Variants in CYP3A5 observed in about 807,000 individuals in gnomAD.
CYP3A5 encodes cytochrome P450 family 3 subfamily A member 5.
CYP3A5 carries 51 observed loss-of-function variants against 55.9 expected under a neutral mutation model. The observed-to-expected ratio is 0.91, with a 90% confidence interval of 0.73 to 1.15. The LOEUF is 1.15. Among genes scored for constraint, CYP3A5 ranks in the 50% most tolerant of loss-of-function variants. The probability of loss-of-function intolerance (pLI) is 0.00; values close to 1 mark genes in which losing one functional copy is unlikely to be tolerated. For synonymous variants in CYP3A5, 196 were observed against 213.9 expected, an observed-to-expected ratio of 0.92 and a Z score of 0.73; for missense variants, 533 against 596.6, an observed-to-expected ratio of 0.89 and a Z score of 1.11.
In CYP3A5 at chr7:99,662,065, G is replaced by C. The variant is rs983946838; in HGVS notation, c.865+751C>G. ...ATAGATGATTAATTGATAAATTATA[G>C]GCAGATAGATGATTGACAGATAGAT... is the stretch of plus-strand genomic sequence containing the variant. On this transcript the variant is annotated intron_variant, in intron 9 of 12. Coordinates refer to ENST00000222982, the MANE Select transcript of CYP3A5 (RefSeq NM_000777.5). The surrounding 1 kb of genome is among the most constrained non-coding windows in gnomAD (Gnocchi z 4.3). 6.6e-6 allele frequency among the ~76,000 whole-genome samples: 1 copy of C among 152,174 alleles called. No homozygotes were observed. The highest frequency in any genetic ancestry group is 2.4e-5 in the African/African-American group (1 of 41,424).
intron 10 of CYP3A5, among the ~76,000 whole-genome samples, chr7:99,654,688 A>C (rs1263330633): frequency 6.6e-6 from 1 of 152,270 alleles, no homozygotes; most frequent in East Asian, 1.9e-4. Context: ...ACTAGTTTAC[A>C]GTCCCACCAA....
intron 10 of CYP3A5, among the ~76,000 whole-genome samples, chr7:99,656,059 A>G (rs1191516906): frequency 6.6e-6 from 1 of 152,174 alleles, no homozygotes; most frequent in Non-Finnish European, 1.5e-5. Context: ...TTCCTAATTG[A>G]ATACCCTTTA....
At chr7:99,659,686 A>G (rs1239824511) in intron 10 of CYP3A5, 1 of 152,526 alleles carries the variant, frequency 6.6e-6, no homozygotes, top group Non-Finnish European at 1.5e-5. Flanking sequence ...GAGTCTACAG[A>G]GGCAGGCAGA....
At position 99,662,923 on chromosome 7, in the gene CYP3A5, C is replaced by T. The variant is rs749311811; in HGVS notation, c.799-41G>A. 6 of 1,610,812 alleles carry T rather than the reference C, an allele frequency of 3.7e-6. No homozygotes were observed. The African/African-American group carries it at 4.0e-5, about 11-fold the overall frequency. Reference sequence around the variant, plus strand: ...GAGATTTCTTTGGCAGAAAGTGACTCGTGAAGTCAGAAGTAAATCAAAAGT... The same window carrying T: ...GAGATTTCTTTGGCAGAAAGTGACTTGTGAAGTCAGAAGTAAATCAAAAGT... On this transcript the variant is annotated intron_variant, in intron 8 of 12. Transcript: ENST00000222982. The surrounding 1 kb of genome is among the most constrained non-coding windows in gnomAD (Gnocchi z 4.3).
chr7:99,663,056 G>T, intron 8 of CYP3A5, 174 bp from the exon 9 acceptor site: 1 of 1,341,246 alleles, frequency 7.5e-7, no homozygotes, highest in Non-Finnish European at 9.6e-7. Flanking sequence ...CTAAATCCTT[G>T]GAAAGCAGGA....
At chr7:99,666,024 G>A (rs1810983022) in intron 6 of CYP3A5, among the ~76,000 whole-genome samples, 1 of 152,190 alleles carries the variant, frequency 6.6e-6, no homozygotes, top group South Asian at 2.1e-4. Context: ...TACACCTGTC[G>A]TTCCTGCATA....
In CYP3A5 at chr7:99,665,516, T is replaced by G. The variant is rs148149634; in HGVS notation, c.522-202A>C. Among the ~76,000 whole-genome samples, 116 of 152,172 alleles carry G rather than the reference T, an allele frequency of 7.6e-4. 1 individual carries two copies. In the East Asian group the frequency reaches 0.011, roughly 15 times the overall value. Reference sequence around the variant, plus strand: ...GATGGAGCTGGCCCTATGCTGGGGGTGATGGAGACACCAAGCTGAGTTAGA... The same window carrying G: ...GATGGAGCTGGCCCTATGCTGGGGGGGATGGAGACACCAAGCTGAGTTAGA... On this transcript the variant is annotated intron_variant, in intron 6 of 12. Coordinates refer to ENST00000222982, the MANE Select transcript of CYP3A5 (RefSeq NM_000777.5).
At chr7:99,678,763 A>G (rs1812536271) in intron 1 of CYP3A5, among the ~76,000 whole-genome samples, 1 of 152,232 alleles carries the variant, frequency 6.6e-6, no homozygotes, top group South Asian at 2.1e-4. Context: ...TGAATTCCTA[A>G]GCTTTCTGTG....
rs1811768661 is a variant in CYP3A5, at chr7:99,672,509, A to G, written c.318+71T>C. 6 of 1,325,018 alleles carry G rather than the reference A, an allele frequency of 4.5e-6. No individual in the cohort carries two copies. The Admixed American group carries it at 6.8e-5, about 15-fold the overall frequency. The allele number at this position is 1,325,018 out of a possible 1,614,324, so 82.1% of individuals were successfully genotyped here. A position where few individuals can be genotyped will look rare whatever the true frequency, so the allele number is the denominator to read the frequency against. On this transcript the variant is annotated intron_variant, in intron 4 of 12. Coordinates refer to ENST00000222982, the MANE Select transcript of CYP3A5 (RefSeq NM_000777.5). ...TTTTTAGGTAACCTTCTGTGAATAT[A>G]TGTTTTTTTCAAAATAAAAATTTAA...
intron 10 of CYP3A5, among the ~76,000 whole-genome samples, chr7:99,658,593 G>A (rs2151387870): frequency 6.6e-6 from 1 of 152,198 alleles, no homozygotes; most frequent in African/African-American, 2.4e-5. Flanking sequence ...TATCTTTGTG[G>A]CGTTCTCTGT....
chr7:99,674,618 T>G (rs1192879935), intron 2 of CYP3A5, 33 bp from the exon 3 acceptor site: 2 of 1,583,214 alleles, frequency 1.3e-6, no homozygotes, highest in Non-Finnish European at 1.7e-6. Flanking sequence ...AGTTGATTAT[T>G]ATTTTAAATA....
intron 4 of CYP3A5, among the ~76,000 whole-genome samples, chr7:99,670,178 C>G (rs571516777): frequency 5.5e-4 from 84 of 152,250 alleles, no homozygotes; most frequent in African/African-American, 1.9e-3. Context: ...TGAAATCAAG[C>G]TGTTTATGGT....
rs1554415705 is a variant in CYP3A5 at position 99,650,113 on chromosome 7, A to G, written c.1373T>C (p.Val458Ala). 6.2e-7 allele frequency: 1 copy of G among 1,614,044 alleles called. No individual in the cohort carries two copies. Among genetic ancestry groups the G allele is most frequent in the Non-Finnish European group, 8.5e-7 (1 of 1,180,004 alleles). ...AGGTTTGAAGGAGAAGTTCTGAAGG[A>G]CTCTGATTAGAGCAAGTTTCATGTT... ...LMNMKLALIR[V>A]LQNFSFKPCK... Residue 458 changes from valine (V) to alanine (A), a missense_variant, in exon 12 of 13, where the codon GTC becomes GCC. Val to Ala is a moderately conservative substitution (Grantham distance 64). Coordinates refer to ENST00000222982, the MANE Select transcript of CYP3A5 (RefSeq NM_000777.5).
chr7:99,672,464 C>A lies in CYP3A5; in HGVS notation c.318+116G>T, dbSNP rs1389712692. ...ACTGGGCGGGACAGGATGAAGAGTA[C>A]ATGGAACCTTCCTGTACATTTTTTA... On this transcript the variant is annotated intron_variant, in intron 4 of 12. Coordinates refer to ENST00000222982, the MANE Select transcript of CYP3A5 (RefSeq NM_000777.5). 5.8e-6 allele frequency: 5 copies of A among 856,264 alleles called. No homozygotes were observed. The South Asian group carries it at 7.6e-5, about 13-fold the overall frequency. The allele number at this position is 856,264 out of a possible 1,614,324, so 53.0% of individuals were successfully genotyped here.
rs8175345 is a variant in CYP3A5, at chr7:99,672,695, G to A, written c.219-16C>T. The A allele has an allele frequency of 3.9e-3, 6,216 of 1,613,420 alleles. 183 individuals are homozygous for A. In the African/African-American group the frequency reaches 0.066, roughly 17 times the overall value. On this transcript the variant is annotated splice_polypyrimidine_tract_variant and intron_variant, in intron 3 of 12. Transcript: ENST00000222982. Reference sequence around the variant, plus strand: ...TTCATACGTTCTGTGTGGGGACAACGGAGCTGATTAAACTTCACTAGCCCG... The same window carrying A: ...TTCATACGTTCTGTGTGGGGACAACAGAGCTGATTAAACTTCACTAGCCCG...
chr7:99,650,177 C>T lies in CYP3A5; in HGVS notation c.1309G>A (p.Gly437Arg). The stretch of plus-strand genomic sequence containing the variant: ...CTCATGCCAATGCAGTTTCTGGGTC[C>T]AGTTCCAAAGGGTGTGTATATGTAA... ...DPYIYTPFGT[G>R]PRNCIGMRFA... The change falls in exon 12 of 13, where the codon GGA (glycine) becomes AGA (arginine). Residue 437 changes from glycine (G) to arginine (R), a missense_variant. By Grantham distance (125) the Gly-to-Arg change is moderately radical (BLOSUM62 -2). Transcript: ENST00000222982. The T allele has an allele frequency of 6.2e-7, 1 of 1,614,096 alleles. No homozygotes were observed. Among genetic ancestry groups the T allele is most frequent in the Non-Finnish European group, 8.5e-7 (1 of 1,179,978 alleles).
chr7:99,668,756 C>T (rs571325284), intron 4 of CYP3A5, among the ~76,000 whole-genome samples: 1 of 152,344 alleles, frequency 6.6e-6, no homozygotes, highest in East Asian at 1.9e-4. Context: ...AGGCAGAGCG[C>T]TGCTGTACAC....
chr7:99,657,351 A>C (rs1809858822), intron 10 of CYP3A5, among the ~76,000 whole-genome samples: 1 of 152,178 alleles, frequency 6.6e-6, no homozygotes, highest in South Asian at 2.1e-4. Context: ...CCCAGTAGTC[A>C]TTCAGGAGCA....
At chr7:99,655,179 C>G (rs191779613) in intron 10 of CYP3A5, among the ~76,000 whole-genome samples, 96 of 152,300 alleles carry the variant, frequency 6.3e-4, no homozygotes, top group African/African-American at 2.2e-3. Flanking sequence ...ATGATATTGC[C>G]TAGGTTTTCT....
Sources: allele counts gnomAD v4.1 joint callset (sites outside exome capture counted in the v4.1 genomes callset), GRCh38; gene constraint gnomAD v4.1.1; non-coding constraint Gnocchi (gnomAD v3.1); transcripts MANE v1.5; gene names NCBI Gene and HGNC (gene_info 2026-07-23, HGNC 2026-07-21).